Variants in DBNDD2 observed in about 807,000 individuals in gnomAD.
The protein encoded by DBNDD2 is dysbindin domain-containing protein 2.
Under a neutral mutation model 14.0 loss-of-function variants are expected in DBNDD2, and 8 were observed. That is an observed-to-expected ratio of 0.57 (90% CI 0.33 to 1.03). DBNDD2 has a LOEUF of 1.03. Among genes scored for constraint, DBNDD2 ranks in the 50% least tolerant of loss-of-function variants. The pLI, the probability that DBNDD2 is intolerant of heterozygous loss-of-function variation, is 0.03. For synonymous variants in DBNDD2, 94 were observed against 85.3 expected, an observed-to-expected ratio of 1.10 and a Z score of -0.56; for missense variants, 194 against 206.0, an observed-to-expected ratio of 0.94 and a Z score of 0.36.
At chr20:45,408,722 C>G in intron 1 of DBNDD2, 79 bp from the exon 2 acceptor site, 2 of 1,581,664 alleles carry the variant, frequency 1.3e-6, no homozygotes, top group Non-Finnish European at 8.7e-7. Context: ...ATGCTTCTAA[C>G]TTGGGACCTG....
upstream of DBNDD2, chr20:45,406,333 C>A: frequency 2.0e-6 from 2 of 979,316 alleles, no homozygotes; most frequent in Non-Finnish European, 2.9e-6. Flanking sequence ...CGCGGGCGCC[C>A]GCCGCGGGTC....
chr20:45,408,401 T>G lies in DBNDD2; in HGVS notation c.-67T>G. The G allele has an allele frequency of 1.2e-6, 2 of 1,613,926 alleles. No homozygotes were observed. The highest frequency in any genetic ancestry group is 1.7e-6 in the Non-Finnish European group (2 of 1,180,022). ...TGCAGTGGGGCGCCCCAAGCCCAGG[T>G]CCCCTCTGTCTTCTCTTTCGACTTT... is the stretch of plus-strand genomic sequence containing the variant. On this transcript the variant is annotated 5_prime_UTR_variant, in exon 1 of 3. Coordinates refer to ENST00000372710, the MANE Select transcript of DBNDD2 (RefSeq NM_001048225.4).
Position 45,409,976 on chromosome 20 carries a change from T to A in DBNDD2, c.322T>A (p.Ser108Thr). Reference sequence around the variant, plus strand: ...GGAGCTGAGCCTGCCGGTGCCTACATCAGACAGGACCACATCTAGGACCTC... The same window carrying A: ...GGAGCTGAGCCTGCCGGTGCCTACAACAGACAGGACCACATCTAGGACCTC... The part of the protein sequence containing the change: ...LEELSLPVPT[S>T]DRTTSRTSSS... Residue 108 changes from serine (S) to threonine (T), a missense_variant, in exon 3 of 3, where the codon TCA becomes ACA. Transcript: ENST00000372710. 6.4e-7 allele frequency: 1 copy of A among 1,551,760 alleles called. No homozygotes were observed. The highest frequency in any genetic ancestry group is 8.7e-7 in the Non-Finnish European group (1 of 1,147,002).
At chr20:45,408,031 A>G, upstream of DBNDD2, 1 of 1,437,780 alleles carries the variant, frequency 7.0e-7, no homozygotes, top group Non-Finnish European at 9.1e-7. Context: ...GGAACCCTCC[A>G]CCCTGAGATC....
chr20:45,408,541 A>G lies in DBNDD2; in HGVS notation c.74A>G (p.Asp25Gly), dbSNP rs1165888224. The change falls in exon 1 of 3, where the codon GAC becomes GGC. Residue 25 changes from aspartate (D) to glycine (G), a missense_variant. By Grantham distance (94) the Asp-to-Gly change is moderately conservative. Transcript: ENST00000372710. The part of the protein sequence containing the change: ...RLRERQKFFE[D>G]ILQPETEFVF... The stretch of plus-strand genomic sequence containing the variant: ...CGGGAGCGGCAAAAATTCTTCGAGG[A>G]CATTTTACAGCCAGAGACAGAGTTT... 2 of 1,614,248 alleles carry G rather than the reference A, an allele frequency of 1.2e-6. No homozygotes were observed. Among genetic ancestry groups the G allele is most frequent in the Non-Finnish European group, 1.7e-6 (2 of 1,180,042 alleles).
At chr20:45,406,311 G>A, upstream of DBNDD2, 3 of 697,142 alleles carry the variant, frequency 4.3e-6, no homozygotes, top group Non-Finnish European at 6.9e-6. Flanking sequence ...AAGTGTGCGT[G>A]GGCAGAACCG....
At chr20:45,406,544 G>C (rs1989397743), upstream of DBNDD2, 2 of 1,516,066 alleles carry the variant, frequency 1.3e-6, no homozygotes, top group Non-Finnish European at 1.8e-6. Flanking sequence ...GCGAGCGAGT[G>C]AGCCCGCCAC....
Position 45,408,594 on chromosome 20 carries a change from G to C in DBNDD2, c.127G>C (p.Glu43Gln), listed in dbSNP as rs370707877. 6 of 1,613,072 alleles carry C rather than the reference G, an allele frequency of 3.7e-6. No homozygotes were observed. Among genetic ancestry groups the C allele is most frequent in the Non-Finnish European group, 5.1e-6 (6 of 1,179,224 alleles). The change falls in exon 1 of 3, where the codon GAG (glutamate) becomes CAG (glutamine). Residue 43 changes from glutamate to glutamine, a missense_variant. Coordinates refer to ENST00000372710, the MANE Select transcript of DBNDD2 (RefSeq NM_001048225.4). The stretch of plus-strand genomic sequence containing the variant: ...CTTTCCTCTGTCCCATCTGCATCTC[G>C]AGTCGCAGAGACGTAAGTCCCAAGT... ...FVFPLSHLHL[E>Q]SQRPPIGSIS...
upstream of DBNDD2, chr20:45,407,334 C>T (rs1295016386): frequency 1.1e-5 from 11 of 985,600 alleles, no homozygotes; most frequent in Non-Finnish European, 1.3e-5. Context: ...CTTGGCCAGT[C>T]GGGGTTGGGT....
Position 45,410,332 on chromosome 20 carries a change from C to A in DBNDD2, c.*192C>A, listed in dbSNP as rs1471236033. On this transcript the variant is annotated 3_prime_UTR_variant, in exon 3 of 3. Transcript: ENST00000372710. ...CTTTACTGCTAATTTTTTCCTGCTGCAACCCTCCCACCAGTTTTTGGCTTA... is the reference window on the plus strand; with the variant it reads ...CTTTACTGCTAATTTTTTCCTGCTGAAACCCTCCCACCAGTTTTTGGCTTA... 4 of 661,578 alleles carry A rather than the reference C, an allele frequency of 6.0e-6. No individual in the cohort carries two copies. The highest frequency in any genetic ancestry group is 1.0e-5 in the Non-Finnish European group (4 of 396,632). The allele number at this position is 661,578 out of a possible 1,614,324, so 41.0% of individuals were successfully genotyped here. A position where few individuals can be genotyped will look rare whatever the true frequency, so the allele number is the denominator to read the frequency against.
upstream of DBNDD2, chr20:45,406,508 G>T (rs1227794050): frequency 9.2e-6 from 14 of 1,525,282 alleles, no homozygotes; most frequent in Admixed American, 2.0e-5. Context: ...CGCTCGCAGG[G>T]GCTGCCTCCG....
upstream of DBNDD2, chr20:45,406,799 G>C (rs1325403293): frequency 7.2e-6 from 9 of 1,246,268 alleles, no homozygotes; most frequent in Non-Finnish European, 9.0e-6. Context: ...GAGCACGAGG[G>C]GAACGGCCTT....
chr20:45,406,500 C>T, upstream of DBNDD2: 1 of 1,527,806 alleles, frequency 6.5e-7, no homozygotes, highest in Non-Finnish European at 8.8e-7. Flanking sequence ...AGTAGCCGCG[C>T]TCGCAGGGGC....
At chr20:45,406,320 C>T (rs528927024), upstream of DBNDD2, 3 of 795,786 alleles carry the variant, frequency 3.8e-6, no homozygotes, top group South Asian at 2.0e-5. Flanking sequence ...TGGGCAGAAC[C>T]GGCGCGGGCG....
At chr20:45,407,125 G>A (rs548829533), upstream of DBNDD2, 4 of 186,082 alleles carry the variant, frequency 2.1e-5, no homozygotes, top group Non-Finnish European at 3.0e-5. Flanking sequence ...AGAGCCCCTG[G>A]CCCCCGTCAG....
chr20:45,408,125 G>T, upstream of DBNDD2: 1 of 1,516,684 alleles, frequency 6.6e-7, no homozygotes, highest in South Asian at 1.3e-5. Context: ...CATTTGTGCT[G>T]AACCAATCCC....
upstream of DBNDD2, chr20:45,408,142 C>G (rs1022648201): frequency 6.5e-7 from 1 of 1,533,878 alleles, no homozygotes; most frequent in Admixed American, 2.0e-5. Flanking sequence ...TCCCTCCAAC[C>G]CCTCTCAGGA....
upstream of DBNDD2, chr20:45,407,589 G>A: frequency 1.0e-6 from 1 of 987,006 alleles, no homozygotes; most frequent in African/African-American, 1.7e-5. Context: ...TCAGCCCTAG[G>A]GGTCAGGAGG....
intron 2 of DBNDD2, 53 bp downstream of exon 2, chr20:45,408,991 C>T: frequency 6.2e-7 from 1 of 1,614,074 alleles, no homozygotes; most frequent in Non-Finnish European, 8.5e-7. Context: ...AGCCGGATGT[C>T]AGGCTCTGAA....
Sources: gnomAD v4.1 joint callset for allele counts on GRCh38, gnomAD v4.1.1 for gene constraint, MANE v1.5 for transcripts, NCBI Gene and HGNC (gene_info 2026-07-23, HGNC 2026-07-21) for gene names.